IGSF5: variants seen among roughly 807,000 people sequenced by gnomAD.
IGSF5 encodes immunoglobulin superfamily 5 like.
A neutral mutation model predicts 39.4 loss-of-function variants in IGSF5; 41 were observed. The observed-to-expected ratio is 1.04, with a 90% CI of 0.81 to 1.35. The LOEUF is 1.35. IGSF5 is among the 40% of genes most tolerant of loss of function. The pLI is 0.00. For synonymous variants in IGSF5, 183 were observed against 175.3 expected, an observed-to-expected ratio of 1.04 and a Z score of -0.34; for missense variants, 487 against 494.6, an observed-to-expected ratio of 0.98 and a Z score of 0.15.
chr21:39,741,519 G>A (rs531498611), upstream of IGSF5, among the ~76,000 whole-genome samples: 7 of 152,320 alleles, frequency 4.6e-5, 1 homozygote, highest in Admixed American at 3.3e-4. Context: ...ATTTAAGAGC[G>A]CTTGGGTGGC....
At chr21:39,798,183 T>A (rs1336962603) in intron 8 of IGSF5, among the ~76,000 whole-genome samples, 2 of 152,216 alleles carry the variant, frequency 1.3e-5, no homozygotes, top group Non-Finnish European at 2.9e-5. Flanking sequence ...GTGGCTAGGC[T>A]TAAGGGTTAT....
chr21:39,716,019 A>T, the IGSF5 span, among the ~76,000 whole-genome samples: 1 of 152,228 alleles, frequency 6.6e-6, no homozygotes, highest in African/African-American at 2.4e-5. Flanking sequence ...AAACCATTTC[A>T]ATCCACACTG....
At chr21:39,713,036 A>G in the IGSF5 span, among the ~76,000 whole-genome samples, 1 of 152,204 alleles carries the variant, frequency 6.6e-6, no homozygotes, top group Non-Finnish European at 1.5e-5. Context: ...GCTGTAGTGC[A>G]GGAATAGTCC....
chr21:39,751,213 G>A (rs1344581595), intron 2 of IGSF5: 1 of 152,242 alleles, frequency 6.6e-6, no homozygotes, highest in Non-Finnish European at 1.5e-5. Context: ...ACTCTCTAGA[G>A]GCCAGACAAG....
At chr21:39,792,969 C>T (rs563019761) in intron 7 of IGSF5, among the ~76,000 whole-genome samples, 8 of 151,664 alleles carry the variant, frequency 5.3e-5, no homozygotes, top group Middle Eastern at 3.4e-3. Flanking sequence ...TAAACACCTG[C>T]GTTTTCCACA....
chr21:39,718,586 T>C, the IGSF5 span, among the ~76,000 whole-genome samples: 1 of 152,252 alleles, frequency 6.6e-6, no homozygotes, highest in African/African-American at 2.4e-5. Context: ...CAAAAGCCTT[T>C]TCTGCATTTG....
At chr21:39,772,971 T>G (rs1203961031) in intron 4 of IGSF5, among the ~76,000 whole-genome samples, 1 of 152,194 alleles carries the variant, frequency 6.6e-6, no homozygotes, top group Middle Eastern at 3.2e-3. Flanking sequence ...CTAATACAAT[T>G]TTTTAAAAAA....
chr21:39,775,072 G>A (rs2080132926), intron 4 of IGSF5, among the ~76,000 whole-genome samples: 1 of 152,076 alleles, frequency 6.6e-6, no homozygotes, highest in Admixed American at 6.6e-5. Flanking sequence ...TGGAGCCTGG[G>A]AATTGCAATT....
chr21:39,794,853 T>G (rs773556137), intron 8 of IGSF5, among the ~76,000 whole-genome samples: 1 of 152,162 alleles, frequency 6.6e-6, no homozygotes, highest in Non-Finnish European at 1.5e-5. Flanking sequence ...GGTATTTACC[T>G]GAGTTTCCAG....
At chr21:39,800,846 G>A (rs466003) in intron 8 of IGSF5, among the ~76,000 whole-genome samples, 65,075 of 152,138 alleles carry the variant, frequency 0.43, 14,506 homozygotes, top group Non-Finnish European at 0.51. Context: ...AAAGAGACAG[G>A]TGGGTGATCT....
At chr21:39,765,924 A>G (rs1489519182) in intron 3 of IGSF5, 72 bp downstream of exon 3, 18 of 1,365,428 alleles carry the variant, frequency 1.3e-5, no homozygotes, top group Non-Finnish European at 1.8e-5. Context: ...TCTAAAGTTC[A>G]TGCCGCGTAT....
rs199553929 is a variant in IGSF5, at chr21:39,745,191, G to A, written c.-319G>A. ...TCTCTCTCTCCATCTCTCTCTCTCC[G>A]TGTCTCTCTCTTAGCCATTACAAAC... On this transcript the variant is annotated 5_prime_UTR_variant, in exon 1 of 9. The change creates a new upstream start codon in the 5' untranslated region. Coordinates refer to ENST00000380588, the MANE Select transcript of IGSF5 (RefSeq NM_001080444.2). Among the ~76,000 whole-genome samples, 7 of 150,078 alleles carry A rather than the reference G, an allele frequency of 4.7e-5. No individual in the cohort carries two copies. The highest frequency in any genetic ancestry group is 7.4e-5 in the Non-Finnish European group (5 of 67,684).
At chr21:39,740,461 A>C (rs2079943816), upstream of IGSF5, among the ~76,000 whole-genome samples, 1 of 152,236 alleles carries the variant, frequency 6.6e-6, no homozygotes, top group Admixed American at 6.5e-5. Flanking sequence ...CTAGGTAAGC[A>C]TACTTAGAGT....
chr21:39,735,785 C>T, the IGSF5 span, among the ~76,000 whole-genome samples: 17 of 152,236 alleles, frequency 1.1e-4, no homozygotes, highest in African/African-American at 2.9e-4. Context: ...GGGCAAAAAT[C>T]GATGACTTCT....
intron 8 of IGSF5, among the ~76,000 whole-genome samples, chr21:39,794,669 A>G (rs530771615): frequency 3.7e-4 from 57 of 152,320 alleles, no homozygotes; most frequent in South Asian, 8.3e-4. Flanking sequence ...TGTGTCCCCA[A>G]TAAGTGTAGA....
At chr21:39,766,455 G>A (rs1328206792) in intron 3 of IGSF5, among the ~76,000 whole-genome samples, 1 of 152,070 alleles carries the variant, frequency 6.6e-6, no homozygotes, top group Non-Finnish European at 1.5e-5. Flanking sequence ...TATCAACTCT[G>A]AAGCATGCTT....
chr21:39,788,679 G>C (rs1445923837), intron 6 of IGSF5, among the ~76,000 whole-genome samples: 1 of 152,160 alleles, frequency 6.6e-6, no homozygotes, highest in Non-Finnish European at 1.5e-5. Context: ...CGGACAGGAC[G>C]GAAAAATTCC....
chr21:39,770,530 T>G (rs1316075885), intron 3 of IGSF5, among the ~76,000 whole-genome samples: 2 of 152,182 alleles, frequency 1.3e-5, no homozygotes, highest in African/African-American at 4.8e-5. Context: ...CTCGTTTCTC[T>G]TTTTCCCTTT....
intron 1 of IGSF5, among the ~76,000 whole-genome samples, 168 bp from the exon 2 acceptor site, chr21:39,746,048 C>T (rs1344518052): frequency 2.6e-5 from 4 of 152,066 alleles, no homozygotes; most frequent in African/African-American, 7.2e-5. Context: ...TTGGGCCATG[C>T]GGTGAGTGTT....
Sources: allele counts gnomAD v4.1 joint callset (sites outside exome capture counted in the v4.1 genomes callset), GRCh38; gene constraint gnomAD v4.1.1; transcripts MANE v1.5; gene names NCBI Gene and HGNC (gene_info 2026-07-23, HGNC 2026-07-21).